The following PLSCR2 variants were observed in gnomAD, a reference collection of about 807,000 sequenced individuals.
PLSCR2 encodes the protein PL scramblase 2.
In PLSCR2, 18 loss-of-function variants were observed where a neutral mutation model predicts 25.3. The ratio of observed to expected loss-of-function variants is 0.71; its 90% CI spans 0.49 to 1.06. The LOEUF (loss-of-function observed/expected upper bound fraction) is 1.06, where lower values mean the gene tolerates loss of function less well. Among genes scored for constraint, PLSCR2 ranks in the 50% least tolerant of loss-of-function variants. The probability of loss-of-function intolerance (pLI) is 0.00; values close to 1 mark genes in which losing one functional copy is unlikely to be tolerated. For synonymous variants in PLSCR2, 88 were observed against 87.3 expected, an observed-to-expected ratio of 1.01 and a Z score of -0.04; for missense variants, 243 against 269.5, an observed-to-expected ratio of 0.90 and a Z score of 0.69.
At chr3:146,495,146 A>G (rs942804538) in intron 1 of PLSCR2, 2 of 152,132 alleles carry the variant, frequency 1.3e-5, no homozygotes, top group Non-Finnish European at 2.9e-5. Context: ...TTTCATATAC[A>G]TGGTGATTTT....
rs973543584 is a variant in PLSCR2, at chr3:146,417,294, G to T, written c.101-21373C>A. On this transcript the variant is annotated intron_variant and NMD_transcript_variant, in intron 2 of 3. Coordinates refer to the PLSCR2 transcript ENST00000463633. Reference sequence around the variant, plus strand: ...ATTGCAGAACTTACATTATTTTGTGGCAAATATTGTGTGAACTACTCTCAA... The same window carrying T: ...ATTGCAGAACTTACATTATTTTGTGTCAAATATTGTGTGAACTACTCTCAA... Among the ~76,000 whole-genome samples, 5 of 152,112 alleles carry T rather than the reference G, an allele frequency of 3.3e-5. No homozygotes were observed. In the East Asian group the frequency reaches 9.7e-4, roughly 29 times the overall value.
At chr3:146,402,593 G>C (rs754672962) in intron 2 of PLSCR2, among the ~76,000 whole-genome samples, 1 of 151,796 alleles carries the variant, frequency 6.6e-6, no homozygotes, top group Non-Finnish European at 1.5e-5. Flanking sequence ...TCAGCCTCCC[G>C]AGTAGCCAAG....
At chr3:146,398,882 C>G (rs1173453768) in intron 2 of PLSCR2, 6 of 152,316 alleles carry the variant, frequency 3.9e-5, no homozygotes, top group Non-Finnish European at 4.4e-5. Flanking sequence ...GTAAGTAACA[C>G]TTTATTTAGT....
chr3:146,454,092 C>T (rs1310838970), exon 5 of PLSCR2: 6 of 1,610,504 alleles, frequency 3.7e-6, no homozygotes, highest in Middle Eastern at 1.7e-4. Flanking sequence ...TAATTGTAAA[C>T]TTTGTTAGAC....
At chr3:146,460,857 G>A (rs78283917), upstream of PLSCR2, among the ~76,000 whole-genome samples, 47 of 152,260 alleles carry the variant, frequency 3.1e-4, no homozygotes, top group East Asian at 8.3e-3. Context: ...AATCTACAGC[G>A]TGTTCCTCTC....
intron 3 of PLSCR2, among the ~76,000 whole-genome samples, chr3:146,392,095 G>A (rs138141497): frequency 6.6e-6 from 1 of 151,920 alleles, no homozygotes; most frequent in Non-Finnish European, 1.5e-5. Context: ...TATTACTCTA[G>A]TCTAGAGATG....
chr3:146,467,863 C>T (rs1367657205), intron 1 of PLSCR2, among the ~76,000 whole-genome samples: 2 of 152,006 alleles, frequency 1.3e-5, no homozygotes, highest in Non-Finnish European at 2.9e-5. Flanking sequence ...TAGTAGAAGT[C>T]CTAAGCTGCA....
At chr3:146,402,014 T>G (rs1188859444) in intron 2 of PLSCR2, among the ~76,000 whole-genome samples, 3 of 152,024 alleles carry the variant, frequency 2.0e-5, no homozygotes, top group African/African-American at 7.2e-5. Context: ...TTACCCCTTT[T>G]GCAAGCAAAT....
intron 2 of PLSCR2, chr3:146,416,729 A>G (rs1666148947): frequency 1.3e-5 from 2 of 152,224 alleles, no homozygotes; most frequent in South Asian, 4.1e-4. Flanking sequence ...TCTACATTTA[A>G]TGGTGTAAAC....
At chr3:146,442,067 G>A (rs973932149) in intron 6 of PLSCR2, among the ~76,000 whole-genome samples, 2 of 151,830 alleles carry the variant, frequency 1.3e-5, no homozygotes, top group African/African-American at 4.8e-5. Flanking sequence ...TTAATCCTAT[G>A]GCAATTTCTG....
chr3:146,495,965 T>A, upstream of PLSCR2: 1 of 1,511,570 alleles, frequency 6.6e-7, no homozygotes, highest in South Asian at 1.2e-5. Context: ...GAATTATTGC[T>A]AGGAAGAATC....
In PLSCR2 at chr3:146,477,448, G is replaced by A. The variant is rs115689918; in HGVS notation, c.-292-17164C>T. ...GGAAATTCTCTCCCGTGCCTGGCTCGGCACGTCCCACACCCATGGAGCCTT... is the reference window on the plus strand; with the variant it reads ...GGAAATTCTCTCCCGTGCCTGGCTCAGCACGTCCCACACCCATGGAGCCTT... On this transcript the variant is annotated intron_variant, in intron 1 of 8. Coordinates refer to the PLSCR2 transcript ENST00000336685. Among the ~76,000 whole-genome samples the A allele has an allele frequency of 3.8e-3, 576 of 152,296 alleles. 3 individuals carry two copies. Among genetic ancestry groups the A allele is most frequent in the African/African-American group, 0.013 (531 of 41,558 alleles).
intron 1 of PLSCR2, among the ~76,000 whole-genome samples, chr3:146,472,499 G>C (rs1014863056): frequency 2.6e-5 from 4 of 152,182 alleles, no homozygotes; most frequent in African/African-American, 9.7e-5. Flanking sequence ...AAGGTGCCAG[G>C]AGATTCAGTG....
Position 146,457,972 on chromosome 3 carries a change from C to T in PLSCR2, c.100+439G>A, listed in dbSNP as rs552325367. Among the ~76,000 whole-genome samples the T allele has an allele frequency of 1.4e-4, 21 of 152,204 alleles. No individual in the cohort carries two copies. The South Asian group carries it at 2.9e-3, about 21-fold the overall frequency. ...TACTCAAGTCCCTGATATAAAATGGCGTGGTGTTTGTATAGAACTTATGAA... is the reference window on the plus strand; with the variant it reads ...TACTCAAGTCCCTGATATAAAATGGTGTGGTGTTTGTATAGAACTTATGAA... On this transcript the variant is annotated intron_variant, in intron 3 of 6. Transcript: ENST00000610787.
intron 1 of PLSCR2, among the ~76,000 whole-genome samples, chr3:146,490,727 C>T (rs958295331): frequency 2.3e-4 from 35 of 152,038 alleles, no homozygotes; most frequent in Admixed American, 1.0e-3. Flanking sequence ...CTCTACCTTG[C>T]GCTTGTGGGT....
At chr3:146,401,164 T>G (rs2038460181) in intron 2 of PLSCR2, among the ~76,000 whole-genome samples, 1 of 152,096 alleles carries the variant, frequency 6.6e-6, no homozygotes, top group Admixed American at 6.6e-5. Context: ...AAAGATTTTA[T>G]GACCTTCATT....
chr3:146,404,256 G>C (rs11707383), intron 2 of PLSCR2, among the ~76,000 whole-genome samples: 39,710 of 152,086 alleles, frequency 0.26, 5,418 homozygotes, highest in South Asian at 0.44. Context: ...TTATATTTGA[G>C]TGCTATTTCT....
chr3:146,405,506 T>G (rs1003815472), intron 2 of PLSCR2, among the ~76,000 whole-genome samples: 4 of 152,004 alleles, frequency 2.6e-5, no homozygotes, highest in Non-Finnish European at 4.4e-5. Flanking sequence ...GCTAGATGAT[T>G]AAAGGAAAAG....
chr3:146,404,184 G>A (rs2038572779), intron 2 of PLSCR2, among the ~76,000 whole-genome samples: 1 of 152,174 alleles, frequency 6.6e-6, no homozygotes, highest in East Asian at 1.9e-4. Context: ...TGCTCCATCT[G>A]TAAGGGTGCA....
Sources: allele counts gnomAD v4.1 joint callset (sites outside exome capture counted in the v4.1 genomes callset), GRCh38; gene constraint gnomAD v4.1.1; transcripts MANE v1.5; gene names NCBI Gene and HGNC (gene_info 2026-07-23, HGNC 2026-07-21).